The following B3GAT1 variants were observed in gnomAD, a reference collection of about 807,000 sequenced individuals.
B3GAT1 encodes beta-1,3-glucuronyltransferase 1, also known as galactosylgalactosylxylosylprotein 3-beta-glucuronosyltransferase 1.
Under a neutral mutation model 28.4 loss-of-function variants are expected in B3GAT1, and 11 were observed. That is an observed-to-expected ratio of 0.39 (90% CI 0.24 to 0.64). The LOEUF (loss-of-function observed/expected upper bound fraction) is 0.64. B3GAT1 is among the 30% of genes least tolerant of loss of function. The pLI, the probability that B3GAT1 is intolerant of heterozygous loss-of-function variation, is 0.50. For synonymous variants in B3GAT1, 255 were observed against 223.1 expected (o/e 1.14, Z -1.27); for missense variants, 375 against 491.0 (o/e 0.76, Z 2.23).
chr11:134,406,309 G>T (rs1244088791), intron 1 of B3GAT1, among the ~76,000 whole-genome samples: 1 of 152,242 alleles, frequency 6.6e-6, no homozygotes, highest in Non-Finnish European at 1.5e-5. Context: ...CTGAAAGTGT[G>T]GGGGCTTAGC....
At chr11:134,410,191 A>C (rs561526426) in intron 1 of B3GAT1, among the ~76,000 whole-genome samples, 8 of 152,320 alleles carry the variant, frequency 5.3e-5, no homozygotes, top group African/African-American at 1.9e-4. Flanking sequence ...TTATCTCCTC[A>C]GTGATTTACC....
At chr11:134,390,829 C>T (rs1294205342) in intron 1 of B3GAT1, 1 of 152,314 alleles carries the variant, frequency 6.6e-6, no homozygotes, top group Non-Finnish European at 1.5e-5. Flanking sequence ...GATAAGAGGT[C>T]CCAGGCCTCC....
chr11:134,401,593 G>T (rs1159917905), intron 1 of B3GAT1, among the ~76,000 whole-genome samples: 1 of 152,132 alleles, frequency 6.6e-6, no homozygotes. Context: ...AAGAAGGGAG[G>T]GGGGAAGGGT....
intron 5 of B3GAT1, 56 bp downstream of exon 5, chr11:134,381,868 G>A (rs920720008): frequency 4.9e-5 from 68 of 1,393,334 alleles, no homozygotes; most frequent in South Asian, 3.0e-4. Flanking sequence ...CAGTTGATTC[G>A]GCCCAACCTG....
Position 134,384,094 on chromosome 11 carries a change from G to A in B3GAT1, c.207C>T (p.Thr69=), listed in dbSNP as rs373742481. 6.9e-6 allele frequency: 11 copies of A among 1,593,950 alleles called. No homozygotes were observed. Among genetic ancestry groups the A allele is most frequent in the Middle Eastern group, 1.7e-4 (1 of 6,036 alleles). ...SDRDIVEVVR[T]EYVYTRPPPW... Reference sequence around the variant, plus strand: ...GCGGGGGCCGCGTGTACACGTACTCGGTGCGCACCACCTCCACGATGTCGC... The same window carrying A: ...GCGGGGGCCGCGTGTACACGTACTCAGTGCGCACCACCTCCACGATGTCGC... Residue 69 remains threonine (T), a synonymous_variant, in exon 3 of 6, where the codon ACC becomes ACT. Coordinates refer to ENST00000312527, the MANE Select transcript of B3GAT1 (RefSeq NM_054025.3).
chr11:134,397,492 G>A (rs908963740), intron 1 of B3GAT1, among the ~76,000 whole-genome samples: 32 of 152,350 alleles, frequency 2.1e-4, no homozygotes, highest in Admixed American at 6.5e-4. Context: ...ATGCAACGTG[G>A]CCCATGCCAG....
intron 1 of B3GAT1, among the ~76,000 whole-genome samples, chr11:134,410,095 G>A (rs1036816668): frequency 3.9e-5 from 6 of 152,114 alleles, no homozygotes; most frequent in Non-Finnish European, 5.9e-5. Context: ...CCCAGAAGCC[G>A]AAGCTGAGGA....
Position 134,382,974 on chromosome 11 carries a change from G to A in B3GAT1, c.654C>T (p.Pro218=), listed in dbSNP as rs751267144. The change falls in exon 4 of 6, where the codon CCC becomes CCT. Residue 218 remains proline (P), a synonymous_variant. Transcript: ENST00000312527. ...ACCGCAGGCCACCCACGAAGGCGAC[G>A]GGCCACACGGACACCCTCCTGGTGC... is the stretch of plus-strand genomic sequence containing the variant. The part of the protein sequence containing the change: ...MRSTRRVSVW[P]VAFVGGLRYE... 1.2e-5 allele frequency: 19 copies of A among 1,588,158 alleles called. No individual in the cohort carries two copies. Among genetic ancestry groups the A allele is most frequent in the East Asian group, 2.3e-5 (1 of 43,716 alleles).
rs1944067224 is a variant in B3GAT1 at position 134,378,828 on chromosome 11, A to C, written c.*1934T>G. 1 of 152,240 alleles carries C rather than the reference A, an allele frequency of 6.6e-6. No homozygotes were observed. The highest frequency in any genetic ancestry group is 2.4e-5 in the African/African-American group (1 of 41,462). 9.4% of individuals were successfully genotyped at this position (152,240 alleles called of 1,614,324 possible). On this transcript the variant is annotated 3_prime_UTR_variant, in exon 6 of 6. Coordinates refer to ENST00000312527, the MANE Select transcript of B3GAT1 (RefSeq NM_054025.3). ...GCAGCTAAAAGAGGATATTAGGTGA[A>C]AACAACTGACCTAGCATCTGCCCAA...
intron 1 of B3GAT1, among the ~76,000 whole-genome samples, chr11:134,408,276 C>T (rs1368104381): frequency 3.8e-5 from 4 of 104,884 alleles, no homozygotes; most frequent in African/African-American, 1.8e-4. Context: ...GCACCGATTC[C>T]AGTGGGGTGA....
chr11:134,398,355 G>C (rs906155796), intron 1 of B3GAT1, among the ~76,000 whole-genome samples: 1 of 152,116 alleles, frequency 6.6e-6, no homozygotes, highest in East Asian at 1.9e-4. Flanking sequence ...CAGTGGCTTC[G>C]GATCCTGGAA....
In B3GAT1 at chr11:134,383,974, C is replaced by T; in HGVS notation, c.327G>A (p.Leu109=). The T allele has an allele frequency of 6.2e-7, 1 of 1,601,950 alleles. No individual in the cohort carries two copies. Among genetic ancestry groups the T allele is most frequent in the African/African-American group, 1.3e-5 (1 of 74,992 alleles). Reference sequence around the variant, plus strand: ...GCCAGTGGAGGTTGGGCACGTGCAGCAGCGTGTTGGCCATGCGCGTCAGCT... The same window carrying T: ...GCCAGTGGAGGTTGGGCACGTGCAGTAGCGTGTTGGCCATGCGCGTCAGCT... The part of the protein sequence containing the change: ...KAELTRMANT[L]LHVPNLHWLV... Residue 109 remains leucine (L), a synonymous_variant, in exon 3 of 6, where the codon CTG becomes CTA. Transcript: ENST00000312527.
chr11:134,390,191 T>G (rs1430270854), intron 1 of B3GAT1: 1 of 152,294 alleles, frequency 6.6e-6, no homozygotes, highest in African/African-American at 2.4e-5. Flanking sequence ...ACGGGATGCC[T>G]GCTGGGTCTT....
rs539945265 is a variant in B3GAT1, at chr11:134,405,206, G to T, written c.-282+6601C>A. Among the ~76,000 whole-genome samples the T allele has an allele frequency of 2.0e-5, 3 of 152,278 alleles. No homozygotes were observed. In the South Asian group the frequency reaches 6.2e-4, roughly 32 times the overall value. On this transcript the variant is annotated intron_variant, in intron 1 of 5. Coordinates refer to ENST00000312527, the MANE Select transcript of B3GAT1 (RefSeq NM_054025.3). ...GGACCCAGCACCGGCACTCCTTGGG[G>T]GTCAGGACTTATCTTCAAGGGTGTC...
chr11:134,408,226 C>T (rs1471499220), intron 1 of B3GAT1, among the ~76,000 whole-genome samples: 1 of 139,876 alleles, frequency 7.1e-6, no homozygotes, highest in Non-Finnish European at 1.5e-5. Context: ...GGACAGCCTG[C>T]ACCTATTCTA....
intron 1 of B3GAT1, among the ~76,000 whole-genome samples, chr11:134,404,933 G>T (rs1186573833): frequency 6.6e-6 from 1 of 152,192 alleles, no homozygotes; most frequent in African/African-American, 2.4e-5. Context: ...AGCTGGGCCG[G>T]GCCTGTGTCG....
At chr11:134,383,659 C>A (rs1048335295) in intron 3 of B3GAT1, 21 bp downstream of exon 3, 1 of 1,527,478 alleles carries the variant, frequency 6.5e-7, no homozygotes, top group Non-Finnish European at 8.8e-7. Flanking sequence ...TCCCGCTGCT[C>A]ACTGTCGGGC....
chr11:134,410,610 C>T (rs28625034), intron 1 of B3GAT1, among the ~76,000 whole-genome samples: 29,698 of 152,028 alleles, frequency 0.2, 3,573 homozygotes, highest in African/African-American at 0.34. Context: ...ACCAACTGAG[C>T]AGACTCTGGG....
Position 134,387,675 on chromosome 11 carries a change from C to T in B3GAT1, c.-16G>A. Reference sequence around the variant, plus strand: ...TCTTCGGCATCTCCAAGGCTGGCTGCACCCACGGCTCCTCATTACCTGAGT... The same window carrying T: ...TCTTCGGCATCTCCAAGGCTGGCTGTACCCACGGCTCCTCATTACCTGAGT... On this transcript the variant is annotated 5_prime_UTR_variant, in exon 2 of 6. Transcript: ENST00000312527. 1 of 1,613,820 alleles carries T rather than the reference C, an allele frequency of 6.2e-7. No homozygotes were observed. The highest frequency in any genetic ancestry group is 8.5e-7 in the Non-Finnish European group (1 of 1,179,958).
Sources: gnomAD v4.1 joint callset for allele counts (sites outside exome capture counted in the v4.1 genomes callset) on GRCh38, gnomAD v4.1.1 for gene constraint, MANE v1.5 for transcripts, NCBI Gene and HGNC (gene_info 2026-07-23, HGNC 2026-07-21) for gene names.